AXIN1: variants seen among roughly 807,000 people sequenced by gnomAD.
AXIN1 encodes axin-1.
Under a neutral mutation model 76.4 loss-of-function variants are expected in AXIN1, and 30 were observed. That is an observed-to-expected ratio of 0.39 (90% CI 0.29 to 0.53). The LOEUF (loss-of-function observed/expected upper bound fraction) is 0.53. AXIN1 is among the 20% of genes least tolerant of loss of function. The pLI is 0.66. For synonymous variants in AXIN1, 545 were observed against 501.4 expected (o/e 1.09, Z -1.16); for missense variants, 1,140 against 1,198.8 (o/e 0.95, Z 0.72).
intron 3 of AXIN1, among the ~76,000 whole-genome samples, chr16:313,003 C>T (rs1036387206): frequency 1.3e-5 from 2 of 152,032 alleles, no homozygotes; most frequent in African/African-American, 4.8e-5. Context: ...AGTGAGGCCT[C>T]GTCTCCACAA....
chr16:304,635 A>C (rs918325779), intron 4 of AXIN1, among the ~76,000 whole-genome samples, 194 bp from the exon 5 acceptor site: 1 of 152,108 alleles, frequency 6.6e-6, no homozygotes, highest in African/African-American at 2.4e-5. Flanking sequence ...CCCGGGTTCA[A>C]GCGATTCTCC....
At chr16:325,256 C>A (rs1216270422) in intron 2 of AXIN1, among the ~76,000 whole-genome samples, 1 of 152,168 alleles carries the variant, frequency 6.6e-6, no homozygotes, top group Non-Finnish European at 1.5e-5. Context: ...GGTCAGTCGG[C>A]CTTTTCTAGA....
intron 2 of AXIN1, among the ~76,000 whole-genome samples, chr16:316,431 T>C (rs2053303537): frequency 6.6e-6 from 1 of 152,258 alleles, no homozygotes; most frequent in African/African-American, 2.4e-5. Context: ...GGCGCTCTGC[T>C]GTGCTGCCAA....
chr16:307,523 C>T (rs2053058969), intron 4 of AXIN1, among the ~76,000 whole-genome samples: 2 of 152,328 alleles, frequency 1.3e-5, no homozygotes, highest in East Asian at 1.9e-4. Flanking sequence ...CCTTTTGGCA[C>T]CAGGGACCAG....
intron 2 of AXIN1, among the ~76,000 whole-genome samples, chr16:328,324 C>T (rs2053622568): frequency 6.6e-6 from 1 of 152,054 alleles, no homozygotes; most frequent in South Asian, 2.1e-4. Context: ...GCCCAGGAGG[C>T]TGAGGCTGCA....
chr16:350,297 T>C (rs2054116208), intron 1 of AXIN1, among the ~76,000 whole-genome samples: 1 of 152,204 alleles, frequency 6.6e-6, no homozygotes, highest in African/African-American at 2.4e-5. Flanking sequence ...ACCAAGCATT[T>C]AGTGTACACA....
At chr16:317,179 C>T (rs1022134882) in intron 2 of AXIN1, among the ~76,000 whole-genome samples, 4 of 152,160 alleles carry the variant, frequency 2.6e-5, no homozygotes, top group African/African-American at 9.7e-5. Context: ...GGGAGGGGGG[C>T]AGGCAGCCCA....
At chr16:323,913 G>A (rs2053520964) in intron 2 of AXIN1, among the ~76,000 whole-genome samples, 1 of 152,164 alleles carries the variant, frequency 6.6e-6, no homozygotes, top group Admixed American at 6.5e-5. Context: ...GGTGTCAACT[G>A]CGACAGGGGA....
intron 7 of AXIN1, 79 bp downstream of exon 7, chr16:296,977 G>T: frequency 6.6e-7 from 1 of 1,508,868 alleles, no homozygotes; most frequent in Non-Finnish European, 9.1e-7. Flanking sequence ...ACACACTGAA[G>T]CTGCACACAC....
chr16:326,911 C>CG (rs1405245165), intron 2 of AXIN1, among the ~76,000 whole-genome samples: 2 of 151,714 alleles, frequency 1.3e-5, no homozygotes, highest in South Asian at 2.1e-4. Flanking sequence ...GAGGCCGAGG[C>CG]GGGGGGATCA....
chr16:336,472 T>C (rs1321170779), intron 2 of AXIN1, among the ~76,000 whole-genome samples: 1 of 152,168 alleles, frequency 6.6e-6, no homozygotes, highest in African/African-American at 2.4e-5. Flanking sequence ...GGAAGTGTTA[T>C]TGTTAGATGA....
intron 1 of AXIN1, among the ~76,000 whole-genome samples, chr16:349,209 TAAG>T (rs2054094255): frequency 6.6e-6 from 1 of 152,196 alleles, no homozygotes; most frequent in Non-Finnish European, 1.5e-5. Flanking sequence ...TTTCAGCAGC[TAAG>T]GACTTTTTGT....
At chr16:294,484 A>AAAG (rs2052654238) in intron 7 of AXIN1, among the ~76,000 whole-genome samples, 1 of 131,068 alleles carries the variant, frequency 7.6e-6, no homozygotes. Context: ...AAAAAAAAAA[A>AAAG]TGGCCAGGCG....
intron 2 of AXIN1, among the ~76,000 whole-genome samples, chr16:340,785 A>C (rs1395561916): frequency 6.6e-6 from 1 of 152,196 alleles, no homozygotes; most frequent in Non-Finnish European, 1.5e-5. Context: ...CAAACACAGA[A>C]AAGGGCCAGG....
chr16:336,906 T>G (rs1264480266), intron 2 of AXIN1, among the ~76,000 whole-genome samples: 1 of 151,320 alleles, frequency 6.6e-6, no homozygotes, highest in East Asian at 1.9e-4. Context: ...TCCCAGCACT[T>G]TGGAAGGCCG....
intron 5 of AXIN1, among the ~76,000 whole-genome samples, chr16:302,370 C>T (rs1425900101): frequency 3.9e-5 from 6 of 152,228 alleles, no homozygotes; most frequent in Non-Finnish European, 7.3e-5. Context: ...CCAGGGGAGA[C>T]GAGAGGATGC....
chr16:323,742 C>T (rs1260174788), intron 2 of AXIN1, among the ~76,000 whole-genome samples: 1 of 151,666 alleles, frequency 6.6e-6, no homozygotes, highest in African/African-American at 2.4e-5. Flanking sequence ...GATCACACCA[C>T]TGACTCCAGC....
At chr16:304,758 C>T (rs898417188) in intron 4 of AXIN1, among the ~76,000 whole-genome samples, 50 of 152,318 alleles carry the variant, frequency 3.3e-4, no homozygotes, top group African/African-American at 9.6e-4. Flanking sequence ...TGGTCTCGAA[C>T]TCCTGACCTC....
intron 2 of AXIN1, among the ~76,000 whole-genome samples, chr16:315,879 C>T (rs897712169): frequency 1.5e-4 from 23 of 149,212 alleles, no homozygotes; most frequent in Non-Finnish European, 3.0e-5. Flanking sequence ...ATGGTGAAAC[C>T]CCATCTCTAG....
Sources: allele counts gnomAD v4.1 joint callset (sites outside exome capture counted in the v4.1 genomes callset), GRCh38; gene constraint gnomAD v4.1.1; transcripts MANE v1.5; gene names NCBI Gene and HGNC (gene_info 2026-07-23, HGNC 2026-07-21).